DYNC2H1: variants seen among roughly 807,000 people sequenced by gnomAD.
The protein encoded by DYNC2H1 is cytoplasmic dynein 2 heavy chain 1.
In DYNC2H1, 410 loss-of-function variants were observed where a neutral mutation model predicts 570.0. The ratio of observed to expected loss-of-function variants is 0.72; its 90% CI spans 0.66 to 0.78. The LOEUF is 0.78. DYNC2H1 is among the 30% of genes least tolerant of loss of function. The pLI is 0.00. For synonymous variants in DYNC2H1, 1,688 were observed against 1,677.6 expected (o/e 1.01, Z -0.15); for missense variants, 4,865 against 5,046.4 (o/e 0.96, Z 1.09).
chr11:103,382,511 CAG>C (rs1166017536), intron 83 of DYNC2H1, among the ~76,000 whole-genome samples: 1 of 152,198 alleles, frequency 6.6e-6, no homozygotes, highest in Non-Finnish European at 1.5e-5. Context: ...TTCTTCCTCT[CAG>C]AGTCTTGTCC....
At position 103,420,002 on chromosome 11, in the gene DYNC2H1, A is replaced by G. The variant is rs143542751; in HGVS notation, c.12367-15941A>G. 5.6e-3 allele frequency among the ~76,000 whole-genome samples: 859 copies of G among 152,278 alleles called. 6 individuals carry two copies. The highest frequency in any genetic ancestry group is 0.02 in the African/African-American group (818 of 41,554). On this transcript the variant is annotated intron_variant, in intron 84 of 88. Coordinates refer to ENST00000375735, the MANE Select transcript of DYNC2H1 (RefSeq NM_001377.3). Reference sequence around the variant, plus strand: ...CTTCACAATGCAATCAGAAGTATCAATAGCAGAATAGACCAAGCAGAGGAA... The same window carrying G: ...CTTCACAATGCAATCAGAAGTATCAGTAGCAGAATAGACCAAGCAGAGGAA...
chr11:103,345,373 T>C (rs1401946099), intron 82 of DYNC2H1, among the ~76,000 whole-genome samples: 2 of 152,192 alleles, frequency 1.3e-5, no homozygotes, highest in African/African-American at 4.8e-5. Flanking sequence ...CTAGAGTATA[T>C]GCTTAGGAAT....
chr11:103,364,177 G>C (rs1027012095), intron 83 of DYNC2H1, among the ~76,000 whole-genome samples: 1 of 152,142 alleles, frequency 6.6e-6, no homozygotes, highest in Non-Finnish European at 1.5e-5. Context: ...ACCTACATTT[G>C]ACTTTTAAAA....
intron 12 of DYNC2H1, 117 bp from the exon 13 acceptor site, chr11:103,128,793 C>T: frequency 1.1e-6 from 1 of 900,822 alleles, no homozygotes; most frequent in South Asian, 1.9e-5. Context: ...GATGAAAAAC[C>T]AATTTTCTGT....
At chr11:103,282,648 T>TA (rs1424869966) in intron 72 of DYNC2H1, among the ~76,000 whole-genome samples, 1 of 151,986 alleles carries the variant, frequency 6.6e-6, no homozygotes, top group African/African-American at 2.4e-5. Context: ...ACATAATGAA[T>TA]AATAGTCTTC....
At chr11:103,429,823 CTG>C (rs141324865) in intron 84 of DYNC2H1, among the ~76,000 whole-genome samples, 13 of 152,284 alleles carry the variant, frequency 8.5e-5, no homozygotes, top group African/African-American at 2.6e-4. Flanking sequence ...AGTGACCTCT[CTG>C]CATTTCTTCT....
intron 83 of DYNC2H1, among the ~76,000 whole-genome samples, chr11:103,390,401 G>A (rs1942090412): frequency 6.6e-6 from 1 of 151,258 alleles, no homozygotes; most frequent in African/African-American, 2.4e-5. Flanking sequence ...CTCTGCACAT[G>A]AGATGGGTTT....
In DYNC2H1 at chr11:103,451,553, G is replaced by A. The variant is rs1269188471; in HGVS notation, c.12457-3633G>A. On this transcript the variant is annotated intron_variant, in intron 85 of 88. Coordinates refer to ENST00000375735, the MANE Select transcript of DYNC2H1 (RefSeq NM_001377.3). The stretch of plus-strand genomic sequence containing the variant: ...TTGCCATGTTGGCCAGGATGGTCTC[G>A]ATCTCTTGACCTCACGATCCCCAAA... Among the ~76,000 whole-genome samples the A allele has an allele frequency of 5.9e-5, 9 of 151,904 alleles. No homozygotes were observed. In the South Asian group the frequency reaches 1.5e-3, roughly 25 times the overall value.
Position 103,205,319 on chromosome 11 carries a change from G to A in DYNC2H1, c.8454+355G>A, listed in dbSNP as rs1235659678. ...CCTTAAAAAATATCATCACTATGCT[G>A]TGTGTTTGGAGGGGGATGAGTTAAA... On this transcript the variant is annotated intron_variant, in intron 52 of 88. Coordinates refer to ENST00000375735, the MANE Select transcript of DYNC2H1 (RefSeq NM_001377.3). This position sits in a 1 kb window ranked among gnomAD's most constrained non-coding sequence, Gnocchi z 4.5. Among the ~76,000 whole-genome samples the A allele has an allele frequency of 6.6e-6, 1 of 152,150 alleles. No individual in the cohort carries two copies. Among genetic ancestry groups the A allele is most frequent in the Non-Finnish European group, 1.5e-5 (1 of 68,016 alleles).
At chr11:103,303,887 G>A (rs929582634) in intron 76 of DYNC2H1, among the ~76,000 whole-genome samples, 7 of 151,916 alleles carry the variant, frequency 4.6e-5, no homozygotes, top group Non-Finnish European at 1.0e-4. Context: ...ATTTTACTTG[G>A]ATGCTTTTAT....
chr11:103,450,784 G>T (rs1200241302), intron 85 of DYNC2H1, among the ~76,000 whole-genome samples: 1 of 152,062 alleles, frequency 6.6e-6, no homozygotes, highest in Non-Finnish European at 1.5e-5. Flanking sequence ...AAATAACATT[G>T]TCTTTTACAT....
In DYNC2H1 at chr11:103,439,395, G is replaced by T. The variant is rs1355426463; in HGVS notation, c.12456+3363G>T. Among the ~76,000 whole-genome samples the T allele has an allele frequency of 6.6e-6, 1 of 152,046 alleles. No individual in the cohort carries two copies. Among genetic ancestry groups the T allele is most frequent in the Non-Finnish European group, 1.5e-5 (1 of 67,982 alleles). On this transcript the variant is annotated intron_variant, in intron 85 of 88. Transcript: ENST00000375735. This position sits in a 1 kb window ranked among gnomAD's most constrained non-coding sequence, Gnocchi z 4.1. ...CATTGTGGTTTTCAAGTAACTAAAA[G>T]CAAAGCATAGATTGCAAGGAGGGGT...
Position 103,204,768 on chromosome 11 carries a change from C to A in DYNC2H1, c.8312-54C>A. On this transcript the variant is annotated intron_variant, in intron 51 of 88. Transcript: ENST00000375735. This position sits in a 1 kb window ranked among gnomAD's most constrained non-coding sequence, Gnocchi z 4.1. Reference sequence around the variant, plus strand: ...TTTGAGAAAATTTTGATCTCTTTAACCCAGACCACGTATAGATTGCCTGAT... The same window carrying A: ...TTTGAGAAAATTTTGATCTCTTTAAACCAGACCACGTATAGATTGCCTGAT... The A allele has an allele frequency of 2.7e-6, 4 of 1,461,570 alleles. No individual in the cohort carries two copies. The highest frequency in any genetic ancestry group is 3.7e-6 in the Non-Finnish European group (4 of 1,080,724). The allele number at this position is 1,461,570 out of a possible 1,614,324, so 90.5% of individuals were successfully genotyped here.
intron 29 of DYNC2H1, among the ~76,000 whole-genome samples, chr11:103,162,305 A>G (rs1016998700): frequency 6.6e-6 from 1 of 152,212 alleles, no homozygotes; most frequent in Admixed American, 6.5e-5. Flanking sequence ...AAGCTGGAAC[A>G]CAGAGTTATT....
intron 82 of DYNC2H1, among the ~76,000 whole-genome samples, chr11:103,345,671 G>C (rs1565514144): frequency 6.6e-6 from 1 of 152,168 alleles, no homozygotes; most frequent in East Asian, 1.9e-4. Flanking sequence ...AGGGAGAAGG[G>C]GAGTGGTGGG....
At chr11:103,428,774 C>T (rs1029582851) in intron 84 of DYNC2H1, among the ~76,000 whole-genome samples, 1 of 152,090 alleles carries the variant, frequency 6.6e-6, no homozygotes, top group Non-Finnish European at 1.5e-5. Context: ...CTGTGTATAA[C>T]GTCCTCAAGG....
chr11:103,292,105 C>T (rs11225659), intron 75 of DYNC2H1, among the ~76,000 whole-genome samples: 50,490 of 151,166 alleles, frequency 0.33, 8,763 homozygotes, highest in Non-Finnish European at 0.38. Flanking sequence ...AGACTAACTA[C>T]GGCTATTTTG....
rs1239120030 is a variant in DYNC2H1 at position 103,118,740 on chromosome 11, T to C, written c.999+877T>C. ...AGGTGCACCCATTGTATTTGGTTGA[T>C]AGGTCTCCTGAAACATTTTTAATTT... On this transcript the variant is annotated intron_variant, in intron 6 of 88. Coordinates refer to ENST00000375735, the MANE Select transcript of DYNC2H1 (RefSeq NM_001377.3). Among the ~76,000 whole-genome samples the C allele has an allele frequency of 3.9e-5, 6 of 152,356 alleles. No individual in the cohort carries two copies. The East Asian group carries it at 7.7e-4, about 20-fold the overall frequency.
chr11:103,266,926 TAA>T (rs1865530819), intron 70 of DYNC2H1, among the ~76,000 whole-genome samples: 1 of 152,158 alleles, frequency 6.6e-6, no homozygotes, highest in Admixed American at 6.5e-5. Context: ...CCCTTAGAGC[TAA>T]AGTCTCCAAT....
Sources: gnomAD v4.1 joint callset for allele counts (sites outside exome capture counted in the v4.1 genomes callset) on GRCh38, gnomAD v4.1.1 for gene constraint, Gnocchi (gnomAD v3.1) non-coding constraint, MANE v1.5 for transcripts, NCBI Gene and HGNC (gene_info 2026-07-23, HGNC 2026-07-21) for gene names.